KCNT2: variants seen among roughly 807,000 people sequenced by gnomAD.
KCNT2 encodes the protein potassium sodium-activated channel subfamily T member 2.
In KCNT2, 67 loss-of-function variants were observed where a neutral mutation model predicts 153.8. That is an observed-to-expected ratio of 0.44 (90% CI 0.36 to 0.53). The LOEUF (loss-of-function observed/expected upper bound fraction) is 0.53. KCNT2 is among the 20% of genes least tolerant of loss of function. KCNT2 has a pLI of 0.00. For synonymous variants in KCNT2, 500 were observed against 458.8 expected (o/e 1.09, Z -1.15); for missense variants, 975 against 1,354.8 (o/e 0.72, Z 4.40).
chr1:196,345,232 A>G (rs1257487767), intron 14 of KCNT2, among the ~76,000 whole-genome samples: 23 of 152,214 alleles, frequency 1.5e-4, no homozygotes, highest in Non-Finnish European at 3.4e-4. Context: ...AATTGTGGGG[A>G]GAAAAATAAA....
chr1:196,568,794 C>A lies in KCNT2; in HGVS notation c.95+39421G>T, dbSNP rs553601601. ...TTAATAATGAGCTTTTTTTTTTTTT[C>A]TCTCCAGGTTCCAACATAATTGAAG... On this transcript the variant is annotated intron_variant, in intron 1 of 27. Coordinates refer to ENST00000294725, the MANE Select transcript of KCNT2 (RefSeq NM_198503.5). Among the ~76,000 whole-genome samples, 441 of 136,264 alleles carry A rather than the reference C, an allele frequency of 3.2e-3. 2 individuals carry two copies. Among genetic ancestry groups the A allele is most frequent in the Non-Finnish European group, 5.9e-3 (371 of 62,508 alleles). 89.4% of individuals were successfully genotyped at this position (136,264 alleles called of 152,430 possible).
rs199770464 is a variant in KCNT2 at position 196,601,653 on chromosome 1, C to T, written c.95+6562G>A. ...CTACTGATACGGTGATTATTTTAAA[C>T]CACTTATTATGATGGTGTTTCACCA... is the stretch of plus-strand genomic sequence containing the variant. On this transcript the variant is annotated intron_variant, in intron 1 of 27. Transcript: ENST00000294725. Among the ~76,000 whole-genome samples the T allele has an allele frequency of 1.1e-4, 16 of 152,278 alleles. No homozygotes were observed. The East Asian group carries it at 2.9e-3, about 28-fold the overall frequency.
At chr1:196,290,538 ATG>A (rs553497317) in intron 22 of KCNT2, among the ~76,000 whole-genome samples, 103 of 151,096 alleles carry the variant, frequency 6.8e-4, no homozygotes, top group African/African-American at 9.5e-4. Context: ...ATACATATAT[ATG>A]TGTGTGTGTG....
At chr1:196,542,162 C>A (rs1656466996) in intron 1 of KCNT2, among the ~76,000 whole-genome samples, 1 of 152,012 alleles carries the variant, frequency 6.6e-6, no homozygotes, top group Non-Finnish European at 1.5e-5. Context: ...AAATAACCAA[C>A]TCATTTACAC....
chr1:196,341,139 C>A (rs1665586782), intron 15 of KCNT2, among the ~76,000 whole-genome samples: 1 of 151,856 alleles, frequency 6.6e-6, no homozygotes, highest in Non-Finnish European at 1.5e-5. Flanking sequence ...ATAAACCCAG[C>A]ATAAGTTGAA....
chr1:196,560,806 C>T (rs1659282377), intron 1 of KCNT2, among the ~76,000 whole-genome samples: 1 of 151,896 alleles, frequency 6.6e-6, no homozygotes, highest in Non-Finnish European at 1.5e-5. Flanking sequence ...TCCTTGAGGA[C>T]TGGTTATTGT....
chr1:196,437,225 A>G (rs1674779079), intron 8 of KCNT2, among the ~76,000 whole-genome samples: 1 of 116,642 alleles, frequency 8.6e-6, no homozygotes, highest in South Asian at 2.8e-4. Context: ...GTATTTTAAG[A>G]AAGCTTATAT....
Position 196,373,144 on chromosome 1 carries a change from C to T in KCNT2, c.1399G>A (p.Gly467Arg), listed in dbSNP as rs1038323871. Residue 467 changes from glycine to arginine, a missense_variant, in exon 14 of 28, where the codon GGG (glycine) becomes AGG (arginine). Physicochemically the swap from Gly to Arg is moderately radical, Grantham distance 125. Coordinates refer to ENST00000294725, the MANE Select transcript of KCNT2 (RefSeq NM_198503.5). ...TTAAAGAAAAAATATACTTACTGCCCTCTAGAGGTATGAACCAGTAGTGTA... is the reference window on the plus strand; with the variant it reads ...TTAAAGAAAAAATATACTTACTGCCTTCTAGAGGTATGAACCAGTAGTGTA... ...LITLLVHTSR[G>R]QEGQQSPEQW... is the part of the protein sequence containing the mutation. 10 of 1,432,490 alleles carry T rather than the reference C, an allele frequency of 7.0e-6. No individual in the cohort carries two copies. The highest frequency in any genetic ancestry group is 1.7e-5 in the Admixed American group (1 of 58,246). The allele number at this position is 1,432,490 out of a possible 1,614,324, so 88.7% of individuals were successfully genotyped here.
At chr1:196,415,522 A>G (rs1672682174) in intron 12 of KCNT2, among the ~76,000 whole-genome samples, 1 of 151,174 alleles carries the variant, frequency 6.6e-6, no homozygotes, top group Non-Finnish European at 1.5e-5. Context: ...AAATATATAT[A>G]TATATAAATA....
At chr1:196,581,485 C>G (rs540460648) in intron 1 of KCNT2, among the ~76,000 whole-genome samples, 2 of 151,920 alleles carry the variant, frequency 1.3e-5, no homozygotes, top group African/African-American at 4.8e-5. Flanking sequence ...TGAATGCCAC[C>G]GGGTGAATAT....
At chr1:196,345,969 A>T (rs1277608045) in intron 14 of KCNT2, among the ~76,000 whole-genome samples, 1 of 152,188 alleles carries the variant, frequency 6.6e-6, no homozygotes, top group African/African-American at 2.4e-5. Flanking sequence ...AAGTCCTAGA[A>T]AAAGAGAGGA....
rs897575766 is a variant in KCNT2, at chr1:196,405,801, G to C, written c.1186-7130C>G. On this transcript the variant is annotated intron_variant, in intron 12 of 27. Coordinates refer to ENST00000294725, the MANE Select transcript of KCNT2 (RefSeq NM_198503.5). ...ATTCATTGGACACTTTATTTTTTAA[G>C]ATTACTAGTATATAAAGTGAAACTG... Among the ~76,000 whole-genome samples, 9 of 151,464 alleles carry C rather than the reference G, an allele frequency of 5.9e-5. No homozygotes were observed. In the East Asian group the frequency reaches 7.8e-4, roughly 13 times the overall value.
chr1:196,280,129 T>C (rs1456511758), intron 25 of KCNT2, among the ~76,000 whole-genome samples: 1 of 152,310 alleles, frequency 6.6e-6, no homozygotes, highest in East Asian at 1.9e-4. Flanking sequence ...ATTGATAGAA[T>C]GATGAATTCA....
intron 8 of KCNT2, among the ~76,000 whole-genome samples, chr1:196,455,049 C>T (rs1244624213): frequency 6.6e-6 from 1 of 151,978 alleles, no homozygotes; most frequent in Non-Finnish European, 1.5e-5. Context: ...CATTCCCTGG[C>T]ATGTGGTCTT....
intron 25 of KCNT2, among the ~76,000 whole-genome samples, chr1:196,266,347 TC>T (rs1490842432): frequency 2.0e-5 from 3 of 152,110 alleles, no homozygotes; most frequent in African/African-American, 7.2e-5. Flanking sequence ...TAAAGGTACC[TC>T]CCCTTACTCT....
At chr1:196,299,296 C>T (rs1021692705) in intron 22 of KCNT2, among the ~76,000 whole-genome samples, 9 of 151,528 alleles carry the variant, frequency 5.9e-5, no homozygotes, top group African/African-American at 2.2e-4. Context: ...GACATTCAAA[C>T]ATGAAAAGTA....
chr1:196,491,412 T>C lies in KCNT2; in HGVS notation c.175+850A>G, dbSNP rs377024227. On this transcript the variant is annotated intron_variant, in intron 2 of 27. Transcript: ENST00000294725. Reference sequence around the variant, plus strand: ...CTTCCCACAAGTCAAGCTTCTCTCTTTGAATCCTACCTACAGAGGCACAAC... The same window carrying C: ...CTTCCCACAAGTCAAGCTTCTCTCTCTGAATCCTACCTACAGAGGCACAAC... 1.2e-4 allele frequency among the ~76,000 whole-genome samples: 18 copies of C among 152,118 alleles called. 2 individuals carry two copies. In the East Asian group the frequency reaches 3.5e-3, roughly 29 times the overall value.
At chr1:196,424,588 C>A (rs1284576952) in intron 11 of KCNT2, among the ~76,000 whole-genome samples, 1 of 151,632 alleles carries the variant, frequency 6.6e-6, no homozygotes, top group Non-Finnish European at 1.5e-5. Flanking sequence ...AGTATTTAAT[C>A]CACCAAAAAG....
In KCNT2 at chr1:196,225,806, T is replaced by C. The variant is rs970464972; in HGVS notation, c.*2418A>G. On this transcript the variant is annotated 3_prime_UTR_variant, in exon 28 of 28. Transcript: ENST00000294725. The stretch of plus-strand genomic sequence containing the variant: ...TTCATCATTAGAAATAATTTTATTA[T>C]TTATTTTAAAGCAGTTCAATGTAAC... The C allele has an allele frequency of 6.6e-6, 1 of 152,194 alleles. No individual in the cohort carries two copies. Among genetic ancestry groups the C allele is most frequent in the African/African-American group, 2.4e-5 (1 of 41,468 alleles). The allele number at this position is 152,194 out of a possible 1,614,324, so 9.4% of individuals were successfully genotyped here.
Sources: gnomAD v4.1 joint callset for allele counts (sites outside exome capture counted in the v4.1 genomes callset) on GRCh38, gnomAD v4.1.1 for gene constraint, MANE v1.5 for transcripts, NCBI Gene and HGNC (gene_info 2026-07-23, HGNC 2026-07-21) for gene names.